EYA1: variants seen among roughly 807,000 people sequenced by gnomAD.
EYA1 encodes EYA transcriptional coactivator and phosphatase 1, also known as protein phosphatase EYA1.
A neutral mutation model predicts 82.0 loss-of-function variants in EYA1; 16 were observed. The ratio of observed to expected loss-of-function variants is 0.20; its 90% confidence interval spans 0.13 to 0.30. The LOEUF (loss-of-function observed/expected upper bound fraction) is 0.30. Ranked by LOEUF, EYA1 falls within the 10% of genes least tolerant of loss-of-function variation. EYA1 has a pLI of 1.00. For synonymous variants in EYA1, 261 were observed against 264.4 expected, an observed-to-expected ratio of 0.99 and a Z score of 0.12; for missense variants, 633 against 730.7, an observed-to-expected ratio of 0.87 and a Z score of 1.54.
At chr8:71,328,847 G>A (rs1007720200) in intron 4 of EYA1, among the ~76,000 whole-genome samples, 2 of 152,028 alleles carry the variant, frequency 1.3e-5, no homozygotes, top group Admixed American at 1.3e-4. Context: ...TTCCACTTCA[G>A]TCATCAAGCT....
chr8:71,320,165 C>T (rs1822377668), intron 6 of EYA1, among the ~76,000 whole-genome samples: 1 of 151,994 alleles, frequency 6.6e-6, no homozygotes, highest in Admixed American at 6.6e-5. Context: ...CTGGAGGAAC[C>T]CCTAACCCAG....
intron 12 of EYA1, among the ~76,000 whole-genome samples, chr8:71,224,575 T>C (rs1250409902): frequency 6.6e-6 from 1 of 152,244 alleles, no homozygotes; most frequent in Non-Finnish European, 1.5e-5. Flanking sequence ...TTCCTCTTAT[T>C]TCTAAATGTG....
At chr8:71,488,269 TA>T (rs1207562018) in intron 2 of EYA1, among the ~76,000 whole-genome samples, 5 of 151,160 alleles carry the variant, frequency 3.3e-5, no homozygotes, top group Non-Finnish European at 5.9e-5. Context: ...ATATAAAGGA[TA>T]AAAAATAAGG....
At chr8:71,205,055 C>G (rs1043681801) in intron 17 of EYA1, among the ~76,000 whole-genome samples, 1 of 152,024 alleles carries the variant, frequency 6.6e-6, no homozygotes, top group Non-Finnish European at 1.5e-5. Context: ...ATAAAAGTGG[C>G]TTGTATTTTT....
intron 2 of EYA1, among the ~76,000 whole-genome samples, chr8:71,472,788 GATATATATATATATATATAT>G (rs71264559): frequency 7.9e-6 from 1 of 126,828 alleles, no homozygotes; most frequent in African/African-American, 2.9e-5. Context: ...TAGCTTTGAA[GATATATATATATATATATAT>G]ATATATCTGT....
intron 1 of EYA1, among the ~76,000 whole-genome samples, chr8:71,545,827 T>A (rs1165710941): frequency 6.6e-6 from 1 of 152,184 alleles, no homozygotes; most frequent in Admixed American, 6.5e-5. Flanking sequence ...CCCAAAGTGA[T>A]GGGATTACAG....
chr8:71,200,921 A>C (rs539625884), intron 17 of EYA1, among the ~76,000 whole-genome samples: 4 of 150,166 alleles, frequency 2.7e-5, no homozygotes, highest in Admixed American at 2.7e-4. Flanking sequence ...TGCAGGACAG[A>C]AAACTAGTTA....
chr8:71,251,406 CACA>C (rs942122569), intron 11 of EYA1, among the ~76,000 whole-genome samples: 5 of 152,286 alleles, frequency 3.3e-5, no homozygotes, highest in African/African-American at 9.6e-5. Flanking sequence ...AAACTCAATA[CACA>C]ACATCTAACT....
At chr8:71,269,598 A>C in intron 11 of EYA1, 142 bp downstream of exon 11, 1 of 543,242 alleles carries the variant, frequency 1.8e-6, no homozygotes, top group Non-Finnish European at 3.2e-6. Flanking sequence ...TTTTTACCTT[A>C]CATATATATA....
chr8:71,507,886 C>A (rs539242661), intron 2 of EYA1, among the ~76,000 whole-genome samples: 2 of 152,176 alleles, frequency 1.3e-5, no homozygotes, highest in Non-Finnish European at 2.9e-5. Context: ...AAATCCTTGG[C>A]CTAACCTCAA....
chr8:71,276,199 C>T (rs1308912784), intron 9 of EYA1, among the ~76,000 whole-genome samples: 1 of 152,138 alleles, frequency 6.6e-6, no homozygotes, highest in African/African-American at 2.4e-5. Context: ...TGAAGCAAAT[C>T]CTTTGTTATC....
At chr8:71,241,815 T>C (rs1379004981) in intron 12 of EYA1, among the ~76,000 whole-genome samples, 3 of 147,736 alleles carry the variant, frequency 2.0e-5, no homozygotes, top group Admixed American at 2.0e-4. Context: ...CAATAGACAT[T>C]TTTTTTTTTT....
At chr8:71,523,274 G>T (rs1813566126) in intron 2 of EYA1, among the ~76,000 whole-genome samples, 1 of 146,356 alleles carries the variant, frequency 6.8e-6, no homozygotes, top group Non-Finnish European at 1.5e-5. Flanking sequence ...CGCCTCCCAG[G>T]TTCACGCCAT....
chr8:71,397,502 A>C (rs1829698051), intron 2 of EYA1, among the ~76,000 whole-genome samples: 1 of 152,238 alleles, frequency 6.6e-6, no homozygotes, highest in African/African-American at 2.4e-5. Context: ...AAAATCTCTC[A>C]GCACTTATTT....
At chr8:71,515,277 G>A (rs1244016408) in intron 2 of EYA1, among the ~76,000 whole-genome samples, 1 of 152,112 alleles carries the variant, frequency 6.6e-6, no homozygotes, top group Non-Finnish European at 1.5e-5. Flanking sequence ...CAGCTGGTCA[G>A]TGGCAAAGCC....
chr8:71,267,686 C>G lies in EYA1; in HGVS notation c.1050+2054G>C, dbSNP rs534443083. ...GCCTCAGCTTCCTGAGTAGCTGGGA[C>G]TACAGGCACCTGCCACCACGCCTGG... On this transcript the variant is annotated intron_variant, in intron 11 of 17. Transcript: ENST00000340726. Among the ~76,000 whole-genome samples the G allele has an allele frequency of 9.7e-4, 148 of 152,174 alleles. 1 individual carries two copies. The highest frequency in any genetic ancestry group is 3.0e-3 in the African/African-American group (126 of 41,538).
chr8:71,236,211 T>G lies in EYA1; in HGVS notation c.1140+8392A>C, dbSNP rs559818543. ...CCATCACGCCCAGCTAATTTTTGTA[T>G]TTTTAGTAGAGATGGGGTTTCACCG... On this transcript the variant is annotated intron_variant, in intron 12 of 17. Coordinates refer to ENST00000340726, the MANE Select transcript of EYA1 (RefSeq NM_000503.6). Among the ~76,000 whole-genome samples the G allele has an allele frequency of 4.6e-5, 7 of 152,268 alleles. No homozygotes were observed. In the South Asian group the frequency reaches 1.5e-3, roughly 32 times the overall value.
At chr8:71,477,160 G>T (rs73300390) in intron 2 of EYA1, among the ~76,000 whole-genome samples, 23,284 of 152,018 alleles carry the variant, frequency 0.15, 3,169 homozygotes, top group East Asian at 0.47. Context: ...ATGACCATGA[G>T]TCAGCCAAAG....
chr8:71,392,053 A>AG (rs1829307365), intron 2 of EYA1, among the ~76,000 whole-genome samples: 1 of 290 alleles, frequency 3.4e-3, no homozygotes, highest in Non-Finnish European at 0.013. Flanking sequence ...AAGATTAAAG[A>AG]AGAGAAAGAT....
Sources: allele counts gnomAD v4.1 joint callset (sites outside exome capture counted in the v4.1 genomes callset), GRCh38; gene constraint gnomAD v4.1.1; transcripts MANE v1.5; gene names NCBI Gene and HGNC (gene_info 2026-07-23, HGNC 2026-07-21).